VTI1A: variants seen among roughly 807,000 people sequenced by gnomAD.
VTI1A encodes vesicle transport through interaction with t-SNAREs 1A.
Under a neutral mutation model 34.9 loss-of-function variants are expected in VTI1A, and 22 were observed. The ratio of observed to expected loss-of-function variants is 0.63; its 90% CI spans 0.45 to 0.90. The LOEUF (loss-of-function observed/expected upper bound fraction) is 0.90. Ranked by LOEUF, VTI1A falls within the 40% of genes least tolerant of loss-of-function variation. The pLI is 0.00. For synonymous variants in VTI1A, 87 were observed against 97.3 expected, an observed-to-expected ratio of 0.89 and a Z score of 0.62; for missense variants, 268 against 275.6, an observed-to-expected ratio of 0.97 and a Z score of 0.20.
intron 7 of VTI1A, among the ~76,000 whole-genome samples, chr10:112,753,672 C>CT (rs1285354427): frequency 6.6e-6 from 1 of 152,156 alleles, no homozygotes; most frequent in Non-Finnish European, 1.5e-5. Flanking sequence ...CAAAAATAGA[C>CT]TTTTTTCCCC....
chr10:112,584,263 A>AG (rs1844066050), intron 5 of VTI1A, among the ~76,000 whole-genome samples: 1 of 152,192 alleles, frequency 6.6e-6, no homozygotes, highest in African/African-American at 2.4e-5. Context: ...ATTGTAATTA[A>AG]GGCAGAACTT....
chr10:112,530,980 C>T lies in VTI1A; in HGVS notation c.342+3816C>T, dbSNP rs1850401170. Among the ~76,000 whole-genome samples the T allele has an allele frequency of 2.6e-5, 4 of 151,362 alleles. No individual in the cohort carries two copies. In the South Asian group the frequency reaches 8.4e-4, roughly 32 times the overall value. On this transcript the variant is annotated intron_variant, in intron 4 of 7. Coordinates refer to ENST00000393077, the MANE Select transcript of VTI1A (RefSeq NM_145206.4). ...CGTTTAATAGAGTTCAGCATTTATT[C>T]GTTATCTGTATGCGAACAGAGACAG...
At chr10:112,529,194 T>G (rs1850344467) in intron 4 of VTI1A, among the ~76,000 whole-genome samples, 1 of 152,132 alleles carries the variant, frequency 6.6e-6, no homozygotes. Context: ...AGATTATTAC[T>G]TGTGTGAAGT....
chr10:112,456,823 G>C (rs964409281), intron 1 of VTI1A, among the ~76,000 whole-genome samples: 1 of 152,182 alleles, frequency 6.6e-6, no homozygotes, highest in African/African-American at 2.4e-5. Flanking sequence ...CAAGGAAAGA[G>C]AATAGTTAGA....
intron 7 of VTI1A, chr10:112,737,598 C>T (rs1850535699): frequency 9.5e-7 from 1 of 1,048,160 alleles, no homozygotes; most frequent in Non-Finnish European, 1.2e-6. Context: ...GGTCTTAGTC[C>T]AGCTCTGTGA....
At chr10:112,847,877 T>C in the VTI1A span, among the ~76,000 whole-genome samples, 1 of 152,178 alleles carries the variant, frequency 6.6e-6, no homozygotes, top group African/African-American at 2.4e-5. Context: ...TGTGCCTAGT[T>C]ACTGAAGAAA....
chr10:112,795,767 A>C (rs1377796162), intron 7 of VTI1A, among the ~76,000 whole-genome samples: 2 of 152,074 alleles, frequency 1.3e-5, no homozygotes, highest in African/African-American at 4.8e-5. Flanking sequence ...CTGTGAATAA[A>C]TTAGTCTATT....
At chr10:112,621,191 A>C (rs1333871326) in intron 5 of VTI1A, among the ~76,000 whole-genome samples, 3 of 152,232 alleles carry the variant, frequency 2.0e-5, no homozygotes, top group African/African-American at 4.8e-5. Flanking sequence ...GTTTCGCTGC[A>C]GAAGGAGGCG....
At chr10:112,597,286 C>T (rs192370645) in intron 5 of VTI1A, among the ~76,000 whole-genome samples, 4 of 152,232 alleles carry the variant, frequency 2.6e-5, no homozygotes, top group East Asian at 1.9e-4. Flanking sequence ...GATGCGGTCT[C>T]GGCTCATCGC....
chr10:112,547,941 T>A (rs1851199073), intron 5 of VTI1A, among the ~76,000 whole-genome samples: 1 of 152,176 alleles, frequency 6.6e-6, no homozygotes, highest in East Asian at 1.9e-4. Context: ...TTTTCTTTTT[T>A]CTCTTTTTTA....
At chr10:112,642,451 T>C (rs1374185276) in intron 5 of VTI1A, among the ~76,000 whole-genome samples, 2 of 152,186 alleles carry the variant, frequency 1.3e-5, no homozygotes, top group Non-Finnish European at 2.9e-5. Context: ...TGTGAAGGAT[T>C]CATGGTTCAA....
At chr10:112,456,273 T>C (rs182927209) in intron 1 of VTI1A, among the ~76,000 whole-genome samples, 113 of 152,028 alleles carry the variant, frequency 7.4e-4, no homozygotes, top group African/African-American at 2.7e-3. Context: ...AATACAAAAA[T>C]TAGCTGTGTG....
chr10:112,802,822 A>G (rs1852922174), intron 7 of VTI1A, among the ~76,000 whole-genome samples: 1 of 152,226 alleles, frequency 6.6e-6, no homozygotes, highest in Non-Finnish European at 1.5e-5. Flanking sequence ...TCCAATGTCC[A>G]AAGAAGGACA....
intron 5 of VTI1A, among the ~76,000 whole-genome samples, chr10:112,633,020 TGTTACAAAAAG>T (rs1846194266): frequency 6.6e-6 from 1 of 152,192 alleles, no homozygotes; most frequent in African/African-American, 2.4e-5. Context: ...GTGAAATATT[TGTTACAAAAAG>T]GTGGTCTGGG....
chr10:112,744,654 G>A (rs1358670175), intron 7 of VTI1A, among the ~76,000 whole-genome samples: 1 of 151,912 alleles, frequency 6.6e-6, no homozygotes, highest in Non-Finnish European at 1.5e-5. Context: ...TGCGTTGCCA[G>A]GGCTGGTCTC....
intron 5 of VTI1A, among the ~76,000 whole-genome samples, chr10:112,631,732 A>G (rs545754377): frequency 2.6e-5 from 4 of 152,314 alleles, no homozygotes; most frequent in East Asian, 3.9e-4. Flanking sequence ...AGCCTATGGC[A>G]TGTGAGTTCC....
intron 7 of VTI1A, among the ~76,000 whole-genome samples, chr10:112,702,832 C>T (rs1389123092): frequency 6.6e-6 from 1 of 152,196 alleles, no homozygotes; most frequent in Non-Finnish European, 1.5e-5. Context: ...TGGATCCACC[C>T]ACCTTGGCCT....
intron 5 of VTI1A, among the ~76,000 whole-genome samples, chr10:112,631,540 G>A (rs1050723328): frequency 6.6e-6 from 1 of 152,150 alleles, no homozygotes; most frequent in Non-Finnish European, 1.5e-5. Context: ...GTCTGGTTTT[G>A]TTCACTCAGC....
intron 3 of VTI1A, among the ~76,000 whole-genome samples, chr10:112,502,513 C>T (rs1849279988): frequency 1.3e-5 from 2 of 152,218 alleles, no homozygotes; most frequent in Non-Finnish European, 2.9e-5. Context: ...GTGATAAATA[C>T]AGTATATTAG....
Sources: gnomAD v4.1 joint callset for allele counts (sites outside exome capture counted in the v4.1 genomes callset) on GRCh38, gnomAD v4.1.1 for gene constraint, MANE v1.5 for transcripts, NCBI Gene and HGNC (gene_info 2026-07-23, HGNC 2026-07-21) for gene names.